Variants in ZBTB20 observed in about 807,000 individuals in gnomAD.
ZBTB20 encodes the protein zinc finger and BTB domain-containing protein 20.
A neutral mutation model predicts 56.9 loss-of-function variants in ZBTB20; 9 were observed. That is an observed-to-expected ratio of 0.16 (90% CI 0.10 to 0.28). The LOEUF is 0.28. Ranked by LOEUF, ZBTB20 falls within the 10% of genes least tolerant of loss-of-function variation. ZBTB20 has a pLI of 1.00. For missense variants in ZBTB20, 655 were observed against 1,003.0 expected, an observed-to-expected ratio of 0.65 and a Z score of 4.69; for synonymous variants, 417 against 420.7, an observed-to-expected ratio of 0.99 and a Z score of 0.11.
chr3:114,969,609 T>C (rs892690887), intron 3 of ZBTB20, among the ~76,000 whole-genome samples: 9 of 152,320 alleles, frequency 5.9e-5, no homozygotes, highest in African/African-American at 2.2e-4. Flanking sequence ...TTATAAACAC[T>C]AAGCAAATAT....
intron 1 of ZBTB20, among the ~76,000 whole-genome samples, chr3:115,124,522 G>A (rs994159320): frequency 2.0e-5 from 3 of 152,118 alleles, no homozygotes; most frequent in African/African-American, 7.2e-5. Context: ...AGGAGTGTCC[G>A]ACCTTTAAGA....
chr3:114,568,836 G>A (rs961336861), intron 6 of ZBTB20, among the ~76,000 whole-genome samples: 17 of 152,126 alleles, frequency 1.1e-4, no homozygotes, highest in Non-Finnish European at 2.4e-4. Context: ...AAATCTACTT[G>A]TATCTTCCCT....
intron 4 of ZBTB20, among the ~76,000 whole-genome samples, chr3:114,866,634 C>T (rs1327150528): frequency 3.3e-5 from 5 of 152,118 alleles, no homozygotes; most frequent in African/African-American, 1.2e-4. Flanking sequence ...CAGTTGGAGG[C>T]TGGAACAGAA....
chr3:114,383,008 T>C (rs1300512676), intron 8 of ZBTB20, among the ~76,000 whole-genome samples: 1 of 152,194 alleles, frequency 6.6e-6, no homozygotes, highest in Non-Finnish European at 1.5e-5. Context: ...TAATTGATTG[T>C]GGACAGAATG....
At chr3:114,438,639 C>T (rs963945969) in intron 7 of ZBTB20, among the ~76,000 whole-genome samples, 1 of 151,984 alleles carries the variant, frequency 6.6e-6, no homozygotes, top group African/African-American at 2.4e-5. Flanking sequence ...GTATCATTTT[C>T]AGTAAGAGAA....
intron 6 of ZBTB20, among the ~76,000 whole-genome samples, chr3:114,597,735 T>C (rs2056437605): frequency 6.6e-6 from 1 of 152,170 alleles, no homozygotes; most frequent in African/African-American, 2.4e-5. Flanking sequence ...GTGTAAGTTA[T>C]TTTTCTACAT....
rs1426921720 is a variant in ZBTB20, at chr3:114,367,268, TC to T, written c.199+12948del. 2.6e-5 allele frequency: 4 copies of T among 152,194 alleles called. No individual in the cohort carries two copies. In the East Asian group the frequency reaches 7.7e-4, roughly 29 times the overall value. 9.4% of individuals were successfully genotyped at this position (152,194 alleles called of 1,614,324 possible). ...TTCCCTATAATTTGAAAATCTCTCT[TC>T]TTTTTTTATTTTTTAGAGACAGGAT... is the stretch of plus-strand genomic sequence containing the variant. On this transcript the variant is annotated intron_variant, in intron 10 of 11. Transcript: ENST00000675478.
At chr3:115,014,252 G>A (rs1026332055) in intron 2 of ZBTB20, among the ~76,000 whole-genome samples, 14 of 151,732 alleles carry the variant, frequency 9.2e-5, no homozygotes, top group South Asian at 4.1e-4. Context: ...ATGGCTATCA[G>A]AGGTTGGGAA....
chr3:114,712,582 G>A (rs1174912130), intron 5 of ZBTB20, among the ~76,000 whole-genome samples: 1 of 151,868 alleles, frequency 6.6e-6, no homozygotes, highest in East Asian at 1.9e-4. Context: ...GAACCCGGGA[G>A]GCGGAGGTTG....
intron 10 of ZBTB20, among the ~76,000 whole-genome samples, chr3:114,356,794 G>A (rs925970463): frequency 2.0e-5 from 3 of 152,054 alleles, no homozygotes; most frequent in Admixed American, 6.5e-5. Flanking sequence ...TATATGCCAA[G>A]GGAGTCCTGC....
In ZBTB20 at chr3:114,540,645, G is replaced by A. The variant is rs140754188; in HGVS notation, c.-294-40254C>T. 8.8e-3 allele frequency among the ~76,000 whole-genome samples: 1,336 copies of A among 152,178 alleles called. 11 individuals are homozygous for A. Among genetic ancestry groups the A allele is most frequent in the Non-Finnish European group, 0.015 (1,029 of 67,992 alleles). On this transcript the variant is annotated intron_variant, in intron 6 of 11. Transcript: ENST00000675478. ...AATTTATCTGTGTTCCTGTAGCCATGTCTCCACTTCTAAACGCTAATCACT... is the reference window on the plus strand; with the variant it reads ...AATTTATCTGTGTTCCTGTAGCCATATCTCCACTTCTAAACGCTAATCACT...
chr3:114,647,747 T>A (rs1321307936), intron 6 of ZBTB20, among the ~76,000 whole-genome samples: 1 of 152,148 alleles, frequency 6.6e-6, no homozygotes, highest in Non-Finnish European at 1.5e-5. Context: ...ATCTCTCTAA[T>A]TGGATTTGGC....
intron 4 of ZBTB20, among the ~76,000 whole-genome samples, chr3:114,890,613 C>T (rs4682554): frequency 0.75 from 114,239 of 151,896 alleles, 47,310 homozygotes; most frequent in East Asian, 0.99. Context: ...GGTGGGGAGA[C>T]GGGGGAGGGA....
intron 2 of ZBTB20, among the ~76,000 whole-genome samples, chr3:115,048,260 T>G (rs373409027): frequency 2.3e-4 from 35 of 152,206 alleles, no homozygotes; most frequent in African/African-American, 7.9e-4. Context: ...AGCAAAATTT[T>G]CTAAATTAAA....
intron 5 of ZBTB20, among the ~76,000 whole-genome samples, chr3:114,750,253 C>A (rs2067456166): frequency 6.6e-6 from 1 of 152,146 alleles, no homozygotes; most frequent in Non-Finnish European, 1.5e-5. Flanking sequence ...ATCAGGATGA[C>A]AGCAAGTACC....
intron 6 of ZBTB20, among the ~76,000 whole-genome samples, chr3:114,667,083 G>A (rs1224212929): frequency 2.0e-5 from 3 of 151,832 alleles, no homozygotes; most frequent in South Asian, 2.1e-4. Flanking sequence ...CACTGTAATC[G>A]TGCCCCTTAA....
At chr3:114,528,657 G>A (rs2047501265) in intron 6 of ZBTB20, 1 of 152,088 alleles carries the variant, frequency 6.6e-6, no homozygotes, top group Non-Finnish European at 1.5e-5. Flanking sequence ...GGGAAACTGA[G>A]AGGTCTGGGT....
At chr3:114,951,730 T>C (rs1437688762) in intron 3 of ZBTB20, among the ~76,000 whole-genome samples, 3 of 152,050 alleles carry the variant, frequency 2.0e-5, no homozygotes, top group Non-Finnish European at 4.4e-5. Flanking sequence ...ATTAAGAATA[T>C]CTAAGAAATA....
intron 6 of ZBTB20, among the ~76,000 whole-genome samples, chr3:114,615,382 T>C (rs1326471611): frequency 3.9e-5 from 6 of 152,152 alleles, no homozygotes; most frequent in African/African-American, 1.4e-4. Context: ...CCTTACTAAA[T>C]ACCAAGACTA....
Sources: allele counts gnomAD v4.1 joint callset (sites outside exome capture counted in the v4.1 genomes callset), GRCh38; gene constraint gnomAD v4.1.1; transcripts MANE v1.5; gene names NCBI Gene and HGNC (gene_info 2026-07-23, HGNC 2026-07-21).